Variants in SEC63 observed in about 807,000 individuals in gnomAD.
SEC63 encodes the protein SEC63 protein translocation regulator, also known as translocation protein SEC63 homolog.
In SEC63, 56 loss-of-function variants were observed where a neutral mutation model predicts 116.2. The observed-to-expected ratio is 0.48, with a 90% confidence interval of 0.39 to 0.60. The LOEUF (loss-of-function observed/expected upper bound fraction) is 0.60, where lower values mean the gene tolerates loss of function less well. Among genes scored for constraint, SEC63 ranks in the 20% least tolerant of loss-of-function variants. The pLI, the probability that SEC63 is intolerant of heterozygous loss-of-function variation, is 0.00. For synonymous variants in SEC63, 273 were observed against 294.6 expected (o/e 0.93, Z 0.75); for missense variants, 668 against 900.0 (o/e 0.74, Z 3.30).
Position 107,871,716 on chromosome 6 carries a change from T to A in SEC63, c.2271A>T (p.Glu757Asp), listed in dbSNP as rs369900021. Residue 757 changes from glutamate to aspartate, a missense_variant, in exon 21 of 21, where the codon GAA becomes GAT. Coordinates refer to ENST00000369002, the MANE Select transcript of SEC63 (RefSeq NM_007214.5). ...DSFEEEEEEE[E>D]DDD ...TTCAGAGTACTGCTTAGTCATCATC[T>A]TCTTCTTCCTCCTCTTCTTCCTCAA... is the stretch of plus-strand genomic sequence containing the variant. The A allele has an allele frequency of 6.8e-6, 11 of 1,612,536 alleles. 1 individual carries two copies. Among genetic ancestry groups the A allele is most frequent in the South Asian group, 3.3e-5 (3 of 91,028 alleles).
chr6:107,933,613 G>A (rs967815800), intron 1 of SEC63, among the ~76,000 whole-genome samples: 1 of 152,158 alleles, frequency 6.6e-6, no homozygotes. Flanking sequence ...AAAGCAGAGG[G>A]AAAAGTGAAT....
At chr6:107,911,078 C>T in intron 7 of SEC63, 1 of 437,864 alleles carries the variant, frequency 2.3e-6, no homozygotes, top group South Asian at 2.6e-5. Flanking sequence ...ATTTAGAAGA[C>T]CATTAAAAGT....
intron 1 of SEC63, chr6:107,954,482 C>CAAAAAAAAAAA (rs4028832): frequency 8.6e-6 from 1 of 116,868 alleles, no homozygotes; most frequent in Non-Finnish European, 1.6e-5. Flanking sequence ...AAAAAAAAAT[C>CAAAAAAAAAAA]AAAAAAAAAA....
At chr6:107,893,213 G>A (rs1481417273) in intron 16 of SEC63, among the ~76,000 whole-genome samples, 4 of 151,364 alleles carry the variant, frequency 2.6e-5, no homozygotes, top group Non-Finnish European at 5.9e-5. Context: ...AATGCTGAAT[G>A]AAAGGAGCCA....
chr6:107,910,574 G>A (rs140088682), intron 7 of SEC63, among the ~76,000 whole-genome samples: 213 of 151,548 alleles, frequency 1.4e-3, no homozygotes, highest in Non-Finnish European at 1.9e-3. Context: ...ACATATACAC[G>A]TGTCATACAC....
chr6:107,906,317 GT>G lies in SEC63; in HGVS notation c.961+130del. On this transcript the variant is annotated intron_variant, in intron 10 of 20. Transcript: ENST00000369002. Reference sequence around the variant, plus strand: ...ACAATGAGCCAATTAAACCTCTTTTGTTTATATATTACCCAGCCTCAGGTAT... The same window carrying G: ...ACAATGAGCCAATTAAACCTCTTTTGTTATATATTACCCAGCCTCAGGTAT... 4 of 1,037,142 alleles carry G rather than the reference GT, an allele frequency of 3.9e-6. No individual in the cohort carries two copies. The South Asian group carries it at 3.9e-5, about 10-fold the overall frequency. 64.2% of individuals were successfully genotyped at this position (1,037,142 alleles called of 1,614,324 possible).
chr6:107,953,271 ATACT>A (rs1191946390), intron 1 of SEC63, among the ~76,000 whole-genome samples: 1 of 152,244 alleles, frequency 6.6e-6, no homozygotes, highest in East Asian at 1.9e-4. Context: ...AAAAATAAAA[ATACT>A]TATATATGCT....
At chr6:107,894,914 C>T (rs1786778028) in intron 14 of SEC63, among the ~76,000 whole-genome samples, 1 of 152,034 alleles carries the variant, frequency 6.6e-6, no homozygotes, top group Non-Finnish European at 1.5e-5. Context: ...TAAAACAAAG[C>T]TTTACTGGAA....
chr6:107,897,391 G>A (rs1308430111), intron 14 of SEC63, among the ~76,000 whole-genome samples: 1 of 152,124 alleles, frequency 6.6e-6, no homozygotes, highest in African/African-American at 2.4e-5. Flanking sequence ...CACAGCTCAA[G>A]AACTATATCC....
At position 107,870,362 on chromosome 6, in the gene SEC63, G is replaced by A. The variant is rs896282377; in HGVS notation, c.*1342C>T. On this transcript the variant is annotated 3_prime_UTR_variant, in exon 21 of 21. Coordinates refer to ENST00000369002, the MANE Select transcript of SEC63 (RefSeq NM_007214.5). ...CCAACTATTGCAGTAACAAGATGCC[G>A]GTAGTATTCTGCACTGAAAGTGGCA... 12 of 152,494 alleles carry A rather than the reference G, an allele frequency of 7.9e-5. No individual in the cohort carries two copies. Among genetic ancestry groups the A allele is most frequent in the African/African-American group, 1.2e-4 (5 of 41,374 alleles). The allele number at this position is 152,494 out of a possible 1,614,324, so 9.4% of individuals were successfully genotyped here. A position where few individuals can be genotyped will look rare whatever the true frequency, so the allele number is the denominator to read the frequency against.
At chr6:107,897,824 G>A in intron 13 of SEC63, 93 bp from the exon 14 acceptor site, 3 of 826,404 alleles carry the variant, frequency 3.6e-6, no homozygotes, top group Non-Finnish European at 6.4e-6. Context: ...AATTAGTTTG[G>A]CACTTTAGTA....
chr6:107,914,468 T>G (rs1479518549), intron 4 of SEC63, among the ~76,000 whole-genome samples: 3 of 152,156 alleles, frequency 2.0e-5, no homozygotes, highest in Non-Finnish European at 4.4e-5. Context: ...CATTCATTAG[T>G]TTTCGATGAC....
intron 13 of SEC63, among the ~76,000 whole-genome samples, chr6:107,898,948 G>A (rs752869560): frequency 6.6e-6 from 1 of 152,148 alleles, no homozygotes; most frequent in African/African-American, 2.4e-5. Context: ...TGCAGCAGCT[G>A]GGTATCAACA....
intron 18 of SEC63, among the ~76,000 whole-genome samples, chr6:107,880,061 G>A (rs2114401748): frequency 6.6e-6 from 1 of 152,286 alleles, no homozygotes; most frequent in East Asian, 1.9e-4. Flanking sequence ...AGGATGCTTG[G>A]TGTTGGCAGG....
At chr6:107,885,761 G>A (rs1367903919) in intron 16 of SEC63, among the ~76,000 whole-genome samples, 1 of 152,080 alleles carries the variant, frequency 6.6e-6, no homozygotes, top group Non-Finnish European at 1.5e-5. Context: ...TTAACATAAA[G>A]CTACAACAAT....
rs149370010 is a variant in SEC63 at position 107,883,938 on chromosome 6, C to A, written c.1675-792G>T. Among the ~76,000 whole-genome samples, 123 of 151,950 alleles carry A rather than the reference C, an allele frequency of 8.1e-4. 2 individuals are homozygous for A. The highest frequency in any genetic ancestry group is 2.9e-3 in the African/African-American group (120 of 41,470). ...ACTAGCTCACTTTAAGAATCAAGAA[C>A]AGCAAATTAAATGCAAAGAAAGCAG... is the stretch of plus-strand genomic sequence containing the variant. On this transcript the variant is annotated intron_variant, in intron 16 of 20. Transcript: ENST00000369002.
At chr6:107,951,569 C>G (rs1770579866) in intron 1 of SEC63, among the ~76,000 whole-genome samples, 1 of 152,186 alleles carries the variant, frequency 6.6e-6, no homozygotes, top group African/African-American at 2.4e-5. Context: ...CCAAGCAGCA[C>G]TTCTCAAACA....
chr6:107,951,943 A>T (rs1334616558), intron 1 of SEC63, among the ~76,000 whole-genome samples: 7 of 150,436 alleles, frequency 4.7e-5, no homozygotes, highest in African/African-American at 2.5e-5. Flanking sequence ...ACTCCACTCC[A>T]GCTTGGGTGA....
At chr6:107,903,536 C>CCT (rs1562322585) in intron 11 of SEC63, among the ~76,000 whole-genome samples, 1 of 152,000 alleles carries the variant, frequency 6.6e-6, no homozygotes, top group Admixed American at 6.6e-5. Context: ...TGAGATCCCA[C>CCT]CTCTACACAA....
Sources: allele counts gnomAD v4.1 joint callset (sites outside exome capture counted in the v4.1 genomes callset), GRCh38; gene constraint gnomAD v4.1.1; transcripts MANE v1.5; gene names NCBI Gene and HGNC (gene_info 2026-07-23, HGNC 2026-07-21).